Variants in CTNNA2 observed in about 807,000 individuals in gnomAD.
The protein encoded by CTNNA2 is catenin alpha-2.
A neutral mutation model predicts 101.0 loss-of-function variants in CTNNA2; 42 were observed. The observed-to-expected ratio is 0.42, with a 90% confidence interval of 0.32 to 0.54. The LOEUF (loss-of-function observed/expected upper bound fraction) is 0.54. CTNNA2 is among the 20% of genes least tolerant of loss of function. The probability of loss-of-function intolerance (pLI) is 0.14; values close to 1 mark genes in which losing one functional copy is unlikely to be tolerated. For synonymous variants in CTNNA2, 450 were observed against 456.4 expected (o/e 0.99, Z 0.18); for missense variants, 871 against 1,223.1 (o/e 0.71, Z 4.29).
At chr2:79,215,718 T>C (rs1674246285) in intron 2 of CTNNA2, among the ~76,000 whole-genome samples, 1 of 152,180 alleles carries the variant, frequency 6.6e-6, no homozygotes, top group African/African-American at 2.4e-5. Flanking sequence ...ACCTTGACTA[T>C]GCCTTTAGCT....
At chr2:80,076,968 C>T (rs1324740624) in intron 7 of CTNNA2, among the ~76,000 whole-genome samples, 6 of 152,018 alleles carry the variant, frequency 3.9e-5, no homozygotes, top group Non-Finnish European at 8.8e-5. Context: ...ATGGTGTGAA[C>T]CCAGGAGGTG....
chr2:79,250,408 C>T (rs1674755309), intron 2 of CTNNA2, among the ~76,000 whole-genome samples: 1 of 152,088 alleles, frequency 6.6e-6, no homozygotes, highest in Non-Finnish European at 1.5e-5. Context: ...TACTGCTCCA[C>T]CTCTGTAATT....
At chr2:79,902,370 T>C (rs771431830) in intron 6 of CTNNA2, among the ~76,000 whole-genome samples, 1 of 152,302 alleles carries the variant, frequency 6.6e-6, no homozygotes, top group Non-Finnish European at 1.5e-5. Flanking sequence ...CTACATCTAC[T>C]TGACATCTAG....
At chr2:80,141,626 G>A (rs1012132685) in intron 7 of CTNNA2, among the ~76,000 whole-genome samples, 1 of 152,080 alleles carries the variant, frequency 6.6e-6, no homozygotes, top group African/African-American at 2.4e-5. Context: ...AATTTCTGTA[G>A]GCTGAGTTCC....
At chr2:79,946,740 G>T (rs569537522) in intron 7 of CTNNA2, among the ~76,000 whole-genome samples, 1 of 152,286 alleles carries the variant, frequency 6.6e-6, no homozygotes, top group African/African-American at 2.4e-5. Context: ...AAAGCTCTTT[G>T]TTACTTTCAG....
chr2:80,210,976 A>G (rs887398557), intron 7 of CTNNA2, among the ~76,000 whole-genome samples: 1 of 152,062 alleles, frequency 6.6e-6, no homozygotes, highest in African/African-American at 2.4e-5. Context: ...GTGATGATGA[A>G]CATTTTTTCA....
chr2:80,295,835 T>G (rs1466081823), intron 7 of CTNNA2, among the ~76,000 whole-genome samples: 1 of 152,238 alleles, frequency 6.6e-6, no homozygotes, highest in Non-Finnish European at 1.5e-5. Context: ...GAACCAAATG[T>G]GAATTATATT....
chr2:80,601,005 G>A (rs542282879), intron 15 of CTNNA2, among the ~76,000 whole-genome samples: 4 of 152,182 alleles, frequency 2.6e-5, no homozygotes, highest in East Asian at 1.9e-4. Flanking sequence ...ATCTGATGAC[G>A]GTCTACAGGG....
At chr2:79,494,538 G>C (rs1407191668) in intron 4 of CTNNA2, among the ~76,000 whole-genome samples, 2 of 152,142 alleles carry the variant, frequency 1.3e-5, no homozygotes, top group African/African-American at 4.8e-5. Context: ...TTCCATGAAA[G>C]TGTCGAGAAA....
intron 3 of CTNNA2, among the ~76,000 whole-genome samples, chr2:79,797,029 C>A (rs576922602): frequency 6.6e-6 from 1 of 152,276 alleles, no homozygotes; most frequent in African/African-American, 2.4e-5. Context: ...TGCCAAAATT[C>A]CCATTAAGGT....
intron 7 of CTNNA2, among the ~76,000 whole-genome samples, chr2:80,120,564 T>C (rs1701775695): frequency 6.6e-6 from 1 of 152,228 alleles, no homozygotes; most frequent in African/African-American, 2.4e-5. Flanking sequence ...TCTAATGCCT[T>C]CCTTGCTTGG....
At chr2:80,474,958 A>C (rs1382000962) in intron 9 of CTNNA2, among the ~76,000 whole-genome samples, 1 of 152,182 alleles carries the variant, frequency 6.6e-6, no homozygotes, top group Admixed American at 6.5e-5. Context: ...AGTCATTCTT[A>C]AGACCAAAAA....
Position 79,557,779 on chromosome 2 carries a change from C to G in CTNNA2, c.-6+44572C>G, listed in dbSNP as rs566419735. On this transcript the variant is annotated intron_variant, in intron 1 of 18. Transcript: ENST00000402739. The stretch of plus-strand genomic sequence containing the variant: ...CATATATTGAGATGAATTGGCTTCT[C>G]TGCAGATGTGTCTACATAGGATTGG... Among the ~76,000 whole-genome samples the G allele has an allele frequency of 8.6e-5, 13 of 152,046 alleles. No homozygotes were observed. In the East Asian group the frequency reaches 2.3e-3, roughly 27 times the overall value.
intron 7 of CTNNA2, among the ~76,000 whole-genome samples, chr2:80,173,319 A>G (rs1705189632): frequency 6.6e-6 from 1 of 152,194 alleles, no homozygotes; most frequent in African/African-American, 2.4e-5. Context: ...TTCATGTCTA[A>G]AATTGGAATA....
rs145409647 is a variant in CTNNA2, at chr2:79,757,884, G to A, written c.298+13302G>A. ...ATGCAGAGCAGATGATAGGATGCAT[G>A]TAAAGTACTTAGCAACAGACCTAGC... On this transcript the variant is annotated intron_variant, in intron 3 of 18. Transcript: ENST00000402739. Among the ~76,000 whole-genome samples the A allele has an allele frequency of 4.5e-3, 682 of 152,318 alleles. 5 individuals carry two copies. Among genetic ancestry groups the A allele is most frequent in the South Asian group, 0.017 (84 of 4,828 alleles).
chr2:80,170,171 T>G (rs1048083323), intron 7 of CTNNA2, among the ~76,000 whole-genome samples: 5 of 152,028 alleles, frequency 3.3e-5, no homozygotes, highest in Non-Finnish European at 7.4e-5. Context: ...ATTTTCCAAC[T>G]CTTAGTTCTG....
chr2:79,587,084 G>T (rs923452809), intron 1 of CTNNA2, among the ~76,000 whole-genome samples: 1 of 152,036 alleles, frequency 6.6e-6, no homozygotes, highest in Non-Finnish European at 1.5e-5. Flanking sequence ...AGGCATTTAG[G>T]TAGGTCCCAT....
At chr2:80,249,288 G>T (rs76311081) in intron 7 of CTNNA2, among the ~76,000 whole-genome samples, 1 of 152,256 alleles carries the variant, frequency 6.6e-6, no homozygotes, top group South Asian at 2.1e-4. Context: ...GCTCCTCGTC[G>T]CATAGGGCAT....
chr2:79,299,107 T>C (rs1676047957), intron 2 of CTNNA2, among the ~76,000 whole-genome samples: 1 of 152,184 alleles, frequency 6.6e-6, no homozygotes. Context: ...ATAGGTTTAG[T>C]ATCGTCTGGA....
Sources: gnomAD v4.1 joint callset for allele counts (sites outside exome capture counted in the v4.1 genomes callset) on GRCh38, gnomAD v4.1.1 for gene constraint, MANE v1.5 for transcripts, NCBI Gene and HGNC (gene_info 2026-07-23, HGNC 2026-07-21) for gene names.